The following SH3BGRL variants were observed in gnomAD, a reference collection of about 807,000 sequenced individuals.
The protein encoded by SH3BGRL is SH3 domain binding glutamate rich protein like.
Under a neutral mutation model 9.8 loss-of-function variants are expected in SH3BGRL, and 7 were observed. The observed-to-expected ratio is 0.72, with a 90% CI of 0.41 to 1.35. The LOEUF is 1.35. Ranked by LOEUF, SH3BGRL falls within the 40% of genes most tolerant of loss-of-function variation. The pLI is 0.01. For synonymous variants in SH3BGRL, 36 were observed against 29.1 expected (o/e 1.24, Z -0.76); for missense variants, 73 against 84.4 (o/e 0.86, Z 0.53).
At chrX:81,252,010 C>G (rs1332347768) in intron 1 of SH3BGRL, among the ~76,000 whole-genome samples, 1 of 111,872 alleles carries the variant, frequency 8.9e-6, no homozygotes, top group Non-Finnish European at 1.9e-5. Flanking sequence ...TGCTTTTTTT[C>G]TGTTCCCCTA....
chrX:81,286,933 T>A (rs182621660), intron 3 of SH3BGRL, among the ~76,000 whole-genome samples: 270 of 111,488 alleles, frequency 2.4e-3, no homozygotes, highest in Middle Eastern at 4.7e-3. Context: ...AGGTAAATAA[T>A]TTACTGTAAC....
intron 1 of SH3BGRL, chrX:81,202,657 G>T: frequency 1.7e-6 from 1 of 575,451 alleles, no homozygotes; most frequent in South Asian, 8.8e-5. Context: ...AAAGGATGGG[G>T]GTACACATGC....
At chrX:81,234,018 G>A (rs1393347291) in intron 1 of SH3BGRL, among the ~76,000 whole-genome samples, 1 of 111,026 alleles carries the variant, frequency 9.0e-6, no homozygotes, top group Non-Finnish European at 1.9e-5. Flanking sequence ...TTTTTTTCTA[G>A]GTCATCATTC....
chrX:81,241,072 C>G (rs889080156), intron 1 of SH3BGRL, among the ~76,000 whole-genome samples: 4 of 112,951 alleles, frequency 3.5e-5, no homozygotes, highest in Non-Finnish European at 7.5e-5. Context: ...TCTCTGGCCT[C>G]TTCCCGCTCC....
At chrX:81,289,490 A>C (rs1285285598) in intron 3 of SH3BGRL, among the ~76,000 whole-genome samples, 2 of 108,417 alleles carry the variant, frequency 1.8e-5, no homozygotes, top group Non-Finnish European at 1.9e-5. Context: ...AGACAACCCA[A>C]AGAATGGGAG....
At chrX:81,207,377 T>A (rs1226282431) in intron 1 of SH3BGRL, among the ~76,000 whole-genome samples, 1 of 112,340 alleles carries the variant, frequency 8.9e-6, no homozygotes, top group East Asian at 2.8e-4. Context: ...ATATACATAA[T>A]TTTTCTCTAT....
chrX:81,208,385 G>GA (rs761636122), intron 1 of SH3BGRL, among the ~76,000 whole-genome samples: 1 of 112,338 alleles, frequency 8.9e-6, no homozygotes, highest in Non-Finnish European at 1.9e-5. Flanking sequence ...TTAGCCTAGG[G>GA]AAAAAATAAA....
intron 1 of SH3BGRL, among the ~76,000 whole-genome samples, chrX:81,269,171 A>G (rs1015423471): frequency 2.7e-5 from 3 of 111,424 alleles, no homozygotes; most frequent in African/African-American, 6.5e-5. Context: ...TCTTTATCCA[A>G]TTTGCCAGTC....
chrX:81,266,896 T>C (rs1284158926), intron 1 of SH3BGRL, among the ~76,000 whole-genome samples: 1 of 111,695 alleles, frequency 9.0e-6, no homozygotes, highest in Non-Finnish European at 1.9e-5. Flanking sequence ...CAGTGGTTTG[T>C]ATATTTACTT....
At chrX:81,235,458 T>C (rs975376851) in intron 1 of SH3BGRL, among the ~76,000 whole-genome samples, 1 of 110,441 alleles carries the variant, frequency 9.1e-6, no homozygotes, top group African/African-American at 3.3e-5. Flanking sequence ...CTTGCCTCAG[T>C]TGACAAAAGT....
intron 1 of SH3BGRL, among the ~76,000 whole-genome samples, chrX:81,230,147 T>A (rs771926998): frequency 5.4e-5 from 6 of 111,940 alleles, no homozygotes; most frequent in Non-Finnish European, 9.4e-5. Context: ...CATAAAGTTG[T>A]CATAGTGAAA....
Position 81,241,599 on chromosome X carries a change from T to A in SH3BGRL, c.46-35385T>A, listed in dbSNP as rs149147560. Among the ~76,000 whole-genome samples the A allele has an allele frequency of 9.7e-4, 109 of 112,013 alleles. 1 individual carries two copies. The highest frequency in any genetic ancestry group is 3.3e-3 in the African/African-American group (102 of 30,822). On this transcript the variant is annotated intron_variant, in intron 1 of 3. Coordinates refer to ENST00000373212, the MANE Select transcript of SH3BGRL (RefSeq NM_003022.3). Reference sequence around the variant, plus strand: ...AAGGAGCTACCCACTTTTGGTCTCCTGAGTGTTCTGTCACTCAATGAAGCT... The same window carrying A: ...AAGGAGCTACCCACTTTTGGTCTCCAGAGTGTTCTGTCACTCAATGAAGCT...
rs764609137 is a variant in SH3BGRL at position 81,232,561 on chromosome X, T to C, written c.45+30316T>C. On this transcript the variant is annotated intron_variant, in intron 1 of 3. Transcript: ENST00000373212. ...TGTTTTTGTTACTAAATTCAAACTT[T>C]TAACATGCCTATCCTGCTCTCCTTT... is the stretch of plus-strand genomic sequence containing the variant. Among the ~76,000 whole-genome samples the C allele has an allele frequency of 9.9e-5, 11 of 111,062 alleles. No homozygotes were observed. The South Asian group carries it at 4.2e-3, about 42-fold the overall frequency.
chrX:81,270,956 T>C (rs907349459), intron 1 of SH3BGRL, among the ~76,000 whole-genome samples: 6 of 111,625 alleles, frequency 5.4e-5, no homozygotes, highest in African/African-American at 9.8e-5. Context: ...TCAGCAAAGG[T>C]GGACGTCCCC....
intron 1 of SH3BGRL, among the ~76,000 whole-genome samples, chrX:81,205,520 A>G (rs1440357508): frequency 2.9e-5 from 3 of 104,883 alleles, no homozygotes; most frequent in African/African-American, 1.0e-4. Flanking sequence ...ATATATATAT[A>G]TATATATATA....
intron 1 of SH3BGRL, among the ~76,000 whole-genome samples, chrX:81,274,408 C>T (rs1168370774): frequency 3.6e-5 from 4 of 110,022 alleles, no homozygotes; most frequent in Admixed American, 2.0e-4. Flanking sequence ...GTCAGGAGTT[C>T]GAGACCAGCC....
chrX:81,227,718 A>C (rs1409585277), intron 1 of SH3BGRL, among the ~76,000 whole-genome samples: 2 of 112,335 alleles, frequency 1.8e-5, no homozygotes, highest in Non-Finnish European at 3.8e-5. Flanking sequence ...TACTGTTAAA[A>C]TAATATAATT....
At chrX:81,223,341 G>A (rs1011891717) in intron 1 of SH3BGRL, among the ~76,000 whole-genome samples, 5 of 110,442 alleles carry the variant, frequency 4.5e-5, no homozygotes, top group African/African-American at 1.6e-4. Flanking sequence ...TTTTTTTTGT[G>A]GTGAAGTGGG....
chrX:81,284,074 G>GA lies in SH3BGRL; in HGVS notation c.312+5673dup, dbSNP rs1418985250. 6.5e-3 allele frequency among the ~76,000 whole-genome samples: 673 copies of GA among 103,112 alleles called. 3 individuals carry two copies. Among genetic ancestry groups the GA allele is most frequent in the African/African-American group, 0.021 (596 of 28,561 alleles). The allele number at this position is 103,112 out of a possible 115,157, so 89.5% of individuals were successfully genotyped here. A position where few individuals can be genotyped will look rare whatever the true frequency, so the allele number is the denominator to read the frequency against. ...GAACTCAACCCCTTTTATGTTAGCT[G>GA]AAAAAAAAAACCCACTTAGGAATAT... On this transcript the variant is annotated intron_variant, in intron 3 of 3. Transcript: ENST00000373212.
Sources: gnomAD v4.1 joint callset for allele counts (sites outside exome capture counted in the v4.1 genomes callset) on GRCh38, gnomAD v4.1.1 for gene constraint, MANE v1.5 for transcripts, NCBI Gene and HGNC (gene_info 2026-07-23, HGNC 2026-07-21) for gene names.